Variants in DNAH9 observed in about 807,000 individuals in gnomAD.
The protein encoded by DNAH9 is DNAH9 variant protein.
In DNAH9, 345 loss-of-function variants were observed where a neutral mutation model predicts 471.6. The observed-to-expected ratio is 0.73, with a 90% CI of 0.67 to 0.80. The LOEUF (loss-of-function observed/expected upper bound fraction) is 0.80, where lower values mean the gene tolerates loss of function less well. DNAH9 is among the 30% of genes least tolerant of loss of function. The pLI is 0.00. For missense variants in DNAH9, 5,407 were observed against 5,609.2 expected (o/e 0.96, Z 1.15); for synonymous variants, 2,093 against 2,123.6 (o/e 0.99, Z 0.40).
intron 20 of DNAH9, 92 bp from the exon 21 acceptor site, chr17:11,693,776 G>A (rs2074379012): frequency 1.5e-6 from 2 of 1,373,942 alleles, no homozygotes; most frequent in South Asian, 1.2e-5. Context: ...GACAACCCAG[G>A]AACAAGTTTC....
In DNAH9 at chr17:11,640,445, T is replaced by C. The variant is rs2073250235; in HGVS notation, c.1901+61T>C. On this transcript the variant is annotated intron_variant, in intron 10 of 68. Transcript: ENST00000262442. The stretch of plus-strand genomic sequence containing the variant: ...GGGCTGCTGTTCCTGCTCTAGAATC[T>C]GAGTGTTGTAGAAATGCAACCTGCT... The C allele has an allele frequency of 2.6e-6, 3 of 1,141,376 alleles. No homozygotes were observed. In the Admixed American group the frequency reaches 5.3e-5, roughly 20 times the overall value. 70.7% of individuals were successfully genotyped at this position (1,141,376 alleles called of 1,614,324 possible).
intron 49 of DNAH9, among the ~76,000 whole-genome samples, chr17:11,851,106 G>T (rs1482618428): frequency 6.6e-6 from 1 of 151,424 alleles, no homozygotes; most frequent in African/African-American, 2.4e-5. Context: ...TGTTGTTGTT[G>T]TTGTTGTTGT....
chr17:11,700,194 G>A (rs940692083), intron 23 of DNAH9, among the ~76,000 whole-genome samples: 1 of 152,118 alleles, frequency 6.6e-6, no homozygotes, highest in African/African-American at 2.4e-5. Flanking sequence ...AATGATTAGC[G>A]GCACCAGGAG....
chr17:11,918,205 T>TTTTTGTTTTGTTTTG (rs200370741), intron 61 of DNAH9, among the ~76,000 whole-genome samples: 95 of 147,890 alleles, frequency 6.4e-4, no homozygotes, highest in African/African-American at 1.0e-3. Context: ...GTTGGGTGTT[T>TTTTTGTTTTGTTTTG]TTTTGTTTTG....
chr17:11,867,015 G>A (rs954762519), intron 50 of DNAH9, among the ~76,000 whole-genome samples: 2 of 152,188 alleles, frequency 1.3e-5, no homozygotes, highest in Non-Finnish European at 2.9e-5. Flanking sequence ...CGCGCATGGT[G>A]CGCTGCACCC....
chr17:11,598,796 GCGCTTTTTTTC>G lies in DNAH9; in HGVS notation c.300_310del (p.Leu101SerfsTer44). 6.8e-7 allele frequency: 1 copy of G among 1,479,682 alleles called. No homozygotes were observed. The highest frequency in any genetic ancestry group is 8.9e-7 in the Non-Finnish European group (1 of 1,118,784). The allele number at this position is 1,479,682 out of a possible 1,614,324, so 91.7% of individuals were successfully genotyped here. A position where few individuals can be genotyped will look rare whatever the true frequency, so the allele number is the denominator to read the frequency against. ...TGAGTCGGGCCTGGCTGGCGCTAAG[GCGCTTTTTTTC>G]CTTCGCACCGGGCCCGAGCCTCCAG... is the stretch of plus-strand genomic sequence containing the variant. On this transcript the variant is annotated frameshift_variant, in exon 1 of 69. Coordinates refer to ENST00000262442, the MANE Select transcript of DNAH9 (RefSeq NM_001372.4). LOFTEE classifies it high-confidence loss of function.
At chr17:11,906,138 C>T (rs1007699462) in intron 61 of DNAH9, among the ~76,000 whole-genome samples, 2 of 152,088 alleles carry the variant, frequency 1.3e-5, no homozygotes, top group Non-Finnish European at 2.9e-5. Flanking sequence ...CACAGTGTGG[C>T]GATTCCTCAA....
chr17:11,608,567 T>C (rs943998955), intron 2 of DNAH9, among the ~76,000 whole-genome samples: 7 of 152,200 alleles, frequency 4.6e-5, no homozygotes, highest in African/African-American at 1.7e-4. Flanking sequence ...TGGCCTTTTT[T>C]TCCTTTCAGA....
At chr17:11,856,809 C>G (rs911743665) in intron 50 of DNAH9, among the ~76,000 whole-genome samples, 1 of 152,122 alleles carries the variant, frequency 6.6e-6, no homozygotes, top group Admixed American at 6.6e-5. Flanking sequence ...AGATGATAAT[C>G]ACCATAACAA....
intron 61 of DNAH9, among the ~76,000 whole-genome samples, chr17:11,907,105 T>G (rs370910938): frequency 4.6e-5 from 7 of 152,278 alleles, no homozygotes; most frequent in African/African-American, 1.7e-4. Flanking sequence ...ACCAAGGTTT[T>G]TTCATGCAGT....
intron 28 of DNAH9, among the ~76,000 whole-genome samples, chr17:11,728,795 G>A (rs986953925): frequency 6.6e-6 from 1 of 152,106 alleles, no homozygotes; most frequent in Non-Finnish European, 1.5e-5. Flanking sequence ...GATCTTTCAC[G>A]TCTTTCCACC....
intron 17 of DNAH9, among the ~76,000 whole-genome samples, chr17:11,671,717 C>T (rs1160541426): frequency 3.3e-5 from 5 of 152,166 alleles, no homozygotes; most frequent in Non-Finnish European, 7.3e-5. Context: ...GGAAGTCCCT[C>T]TAGAGTTTCT....
At chr17:11,762,762 T>TTTTTTTTTTA (rs1402877311) in intron 35 of DNAH9, among the ~76,000 whole-genome samples, 1 of 93,006 alleles carries the variant, frequency 1.1e-5, no homozygotes. Context: ...AGGTGCGTTT[T>TTTTTTTTTTA]TTTTTTTGTT....
intron 48 of DNAH9, among the ~76,000 whole-genome samples, 200 bp downstream of exon 48, chr17:11,823,234 C>T (rs1970375802): frequency 3.3e-5 from 5 of 152,096 alleles, no homozygotes; most frequent in Admixed American, 3.3e-4. Context: ...TGTAGGAGAG[C>T]TTTTCAAGTT....
At chr17:11,914,871 T>A (rs1973891077) in intron 61 of DNAH9, among the ~76,000 whole-genome samples, 1 of 152,030 alleles carries the variant, frequency 6.6e-6, no homozygotes, top group Non-Finnish European at 1.5e-5. Flanking sequence ...AGTGGAAGAG[T>A]CACTAAAACT....
chr17:11,846,190 G>A (rs1971218195), intron 49 of DNAH9, among the ~76,000 whole-genome samples: 1 of 141,504 alleles, frequency 7.1e-6, no homozygotes, highest in Non-Finnish European at 1.5e-5. Context: ...TAAGGTGTAA[G>A]GAAGGGATCC....
At chr17:11,901,841 A>G (rs938535646) in intron 59 of DNAH9, among the ~76,000 whole-genome samples, 5 of 152,264 alleles carry the variant, frequency 3.3e-5, no homozygotes, top group Non-Finnish European at 7.3e-5. Flanking sequence ...GGCCGCATGC[A>G]GCCCAAGGGC....
chr17:11,867,315 A>T, intron 50 of DNAH9, among the ~76,000 whole-genome samples: 1 of 151,460 alleles, frequency 6.6e-6, no homozygotes, highest in South Asian at 2.1e-4. Context: ...CAGATGTTGA[A>T]CCTCCTAGAT....
At chr17:11,607,148 G>A (rs1377735717) in intron 1 of DNAH9, among the ~76,000 whole-genome samples, 8 of 152,164 alleles carry the variant, frequency 5.3e-5, no homozygotes, top group Admixed American at 6.5e-5. Context: ...ATGTTTATCT[G>A]CTTGTGTCCT....
Sources: gnomAD v4.1 joint callset for allele counts (sites outside exome capture counted in the v4.1 genomes callset) on GRCh38, gnomAD v4.1.1 for gene constraint, MANE v1.5 for transcripts, NCBI Gene and HGNC (gene_info 2026-07-23, HGNC 2026-07-21) for gene names.